Variants in TNRC6A observed in about 807,000 individuals in gnomAD.
TNRC6A encodes the protein trinucleotide repeat containing adaptor 6A, also known as trinucleotide repeat-containing gene 6A protein.
TNRC6A carries 44 observed loss-of-function variants against 221.2 expected under a neutral mutation model. The observed-to-expected ratio is 0.20, with a 90% confidence interval of 0.16 to 0.26. TNRC6A has a LOEUF of 0.26. TNRC6A is among the 10% of genes least tolerant of loss of function. The probability of loss-of-function intolerance (pLI) is 1.00; values close to 1 mark genes in which losing one functional copy is unlikely to be tolerated. For synonymous variants in TNRC6A, 847 were observed against 838.5 expected (o/e 1.01, Z -0.18); for missense variants, 2,199 against 2,404.4 (o/e 0.91, Z 1.79).
chr16:24,806,101 G>T, intron 15 of TNRC6A, 105 bp from the exon 16 acceptor site: 1 of 1,239,616 alleles, frequency 8.1e-7, no homozygotes, highest in East Asian at 2.4e-5. Flanking sequence ...GTTGGCATTG[G>T]CTAGATCACG....
chr16:24,718,350 T>A (rs1213613181), intron 2 of TNRC6A, among the ~76,000 whole-genome samples: 3 of 152,210 alleles, frequency 2.0e-5, no homozygotes, highest in African/African-American at 7.2e-5. Flanking sequence ...GGTACTTGAC[T>A]CACATCTGTA....
rs2058848852 is a variant in TNRC6A, at chr16:24,825,623, G to T, written c.*1816G>T. 1 of 152,640 alleles carries T rather than the reference G, an allele frequency of 6.6e-6. No individual in the cohort carries two copies. The highest frequency in any genetic ancestry group is 2.4e-5 in the African/African-American group (1 of 41,448). The allele number at this position is 152,640 out of a possible 1,614,324, so 9.5% of individuals were successfully genotyped here. On this transcript the variant is annotated 3_prime_UTR_variant, in exon 25 of 25. Transcript: ENST00000395799. ...TCACAATTTCACCCTGAAATAATGT[G>T]AGAACAATGGGAAACTGTAGCTTGC... is the stretch of plus-strand genomic sequence containing the variant.
chr16:24,709,350 G>A (rs2056160209), intron 2 of TNRC6A, among the ~76,000 whole-genome samples: 1 of 152,034 alleles, frequency 6.6e-6, no homozygotes, highest in South Asian at 2.1e-4. Flanking sequence ...GGATTAAATG[G>A]TTGATCTACT....
chr16:24,777,561 A>G (rs1024635300), intron 5 of TNRC6A, among the ~76,000 whole-genome samples: 1 of 152,180 alleles, frequency 6.6e-6, no homozygotes, highest in Non-Finnish European at 1.5e-5. Flanking sequence ...TATTTTAATT[A>G]CTGATTCTCC....
chr16:24,704,960 G>A (rs1438349922), intron 2 of TNRC6A, among the ~76,000 whole-genome samples: 8 of 151,948 alleles, frequency 5.3e-5, no homozygotes, highest in Non-Finnish European at 8.8e-5. Flanking sequence ...GCAACATAAC[G>A]AGACCCTGTC....
chr16:24,633,033 A>G (rs576932731), intron 1 of TNRC6A, among the ~76,000 whole-genome samples: 145 of 149,596 alleles, frequency 9.7e-4, no homozygotes, highest in African/African-American at 3.5e-3. Context: ...AAAAATCCAG[A>G]CTTCTCAACA....
At chr16:24,802,248 G>A (rs1235596243) in intron 11 of TNRC6A, among the ~76,000 whole-genome samples, 1 of 152,128 alleles carries the variant, frequency 6.6e-6, no homozygotes, top group Non-Finnish European at 1.5e-5. Flanking sequence ...ATGAAAACCT[G>A]TGTTAACAGT....
intron 4 of TNRC6A, chr16:24,776,242 A>T (rs1377476843): frequency 1.0e-6 from 1 of 983,414 alleles, no homozygotes; most frequent in Non-Finnish European, 1.2e-6. Flanking sequence ...TGAGTCAAAA[A>T]TTTCCCTATT....
chr16:24,746,906 A>G (rs183204632), intron 2 of TNRC6A, among the ~76,000 whole-genome samples: 44 of 152,300 alleles, frequency 2.9e-4, no homozygotes, highest in African/African-American at 1.1e-3. Context: ...ACAGACTCTC[A>G]CTATGTTGCC....
At chr16:24,697,528 T>G (rs1361363762) in intron 2 of TNRC6A, among the ~76,000 whole-genome samples, 2 of 151,642 alleles carry the variant, frequency 1.3e-5, no homozygotes, top group Non-Finnish European at 2.9e-5. Context: ...CTACTAAAAA[T>G]ACAAAACTTT....
chr16:24,689,645 G>A (rs151070815), intron 2 of TNRC6A, among the ~76,000 whole-genome samples: 7 of 152,198 alleles, frequency 4.6e-5, no homozygotes, highest in African/African-American at 7.2e-5. Context: ...AATGAACAAG[G>A]CAGATACAAA....
At chr16:24,662,211 A>T (rs995308522) in intron 2 of TNRC6A, 1 of 152,202 alleles carries the variant, frequency 6.6e-6, no homozygotes, top group Non-Finnish European at 1.5e-5. Flanking sequence ...GCACCTTGGG[A>T]GGCTGAGGCA....
chr16:24,650,870 T>A (rs1194084475), intron 2 of TNRC6A, among the ~76,000 whole-genome samples: 3 of 152,068 alleles, frequency 2.0e-5, no homozygotes, highest in African/African-American at 7.2e-5. Flanking sequence ...AGAAAAATAT[T>A]TTATACTGGT....
Position 24,789,680 on chromosome 16 carries a change from C to T in TNRC6A, c.1038C>T (p.Gly346=), listed in dbSNP as rs2058054772. 6.2e-7 allele frequency: 1 copy of T among 1,614,142 alleles called. No homozygotes were observed. The highest frequency in any genetic ancestry group is 8.5e-7 in the Non-Finnish European group (1 of 1,180,032). The change falls in exon 6 of 25, where the codon GGC becomes GGT. Residue 346 remains glycine (G), a synonymous_variant. Transcript: ENST00000395799. ...GCAACAATAGAATGAATGCTTGGGG[C>T]ACTGTAAGTTCTTCATCAAATGGAG... ...ESSNNRMNAW[G]TVSSSSNGGL...
intron 2 of TNRC6A, among the ~76,000 whole-genome samples, chr16:24,717,774 T>C (rs1405425889): frequency 6.8e-6 from 1 of 146,026 alleles, no homozygotes; most frequent in African/African-American, 2.5e-5. Flanking sequence ...TTTTTTCTTT[T>C]TTTTTTTTTT....
chr16:24,765,992 G>T (rs1160703944), intron 4 of TNRC6A, among the ~76,000 whole-genome samples: 1 of 152,088 alleles, frequency 6.6e-6, no homozygotes. Flanking sequence ...TATTAAATTT[G>T]GTAGAAATTT....
chr16:24,618,479 C>T (rs1009986612), intron 1 of TNRC6A, among the ~76,000 whole-genome samples: 9 of 151,782 alleles, frequency 5.9e-5, no homozygotes, highest in Non-Finnish European at 1.3e-4. Context: ...CAACTGAGGC[C>T]CCAAGTAGTT....
chr16:24,750,690 C>T (rs762671320), intron 2 of TNRC6A, 36 bp from the exon 3 acceptor site: 2 of 1,486,122 alleles, frequency 1.3e-6, no homozygotes, highest in Non-Finnish European at 1.8e-6. Flanking sequence ...TTTCTTAATA[C>T]ATTTTGGGAA....
chr16:24,665,301 C>T (rs937199008), intron 2 of TNRC6A, among the ~76,000 whole-genome samples: 1 of 152,066 alleles, frequency 6.6e-6, no homozygotes, highest in Non-Finnish European at 1.5e-5. Flanking sequence ...TCTTAAACTC[C>T]TGACCTCAAG....
Sources: allele counts gnomAD v4.1 joint callset (sites outside exome capture counted in the v4.1 genomes callset), GRCh38; gene constraint gnomAD v4.1.1; transcripts MANE v1.5; gene names NCBI Gene and HGNC (gene_info 2026-07-23, HGNC 2026-07-21).